GAN: variants seen among roughly 807,000 people sequenced by gnomAD.
The protein encoded by GAN is epididymis secretory sperm binding protein.
A neutral mutation model predicts 71.3 loss-of-function variants in GAN; 48 were observed. That is an observed-to-expected ratio of 0.67 (90% confidence interval 0.53 to 0.86). The LOEUF is 0.86. GAN is among the 40% of genes least tolerant of loss of function. The probability of loss-of-function intolerance (pLI) is 0.00; values close to 1 mark genes in which losing one functional copy is unlikely to be tolerated. For missense variants in GAN, 928 were observed against 770.1 expected, an observed-to-expected ratio of 1.21 and a Z score of -2.43; for synonymous variants, 386 against 276.8, an observed-to-expected ratio of 1.39 and a Z score of -3.92.
chr16:81,323,516 G>T (rs1436612824), intron 1 of GAN, among the ~76,000 whole-genome samples: 1 of 152,086 alleles, frequency 6.6e-6, no homozygotes, highest in Admixed American at 6.6e-5. Context: ...TATGCTGTGG[G>T]GTTGTGTTTA....
intron 1 of GAN, among the ~76,000 whole-genome samples, chr16:81,336,037 C>G (rs1909749068): frequency 6.6e-6 from 1 of 152,182 alleles, no homozygotes; most frequent in Non-Finnish European, 1.5e-5. Context: ...CCAAGACCAT[C>G]CTGTGTCTTG....
At position 81,365,969 on chromosome 16, in the gene GAN, CT is replaced by C. The variant is rs146673393; in HGVS notation, c.1502+494del. Among the ~76,000 whole-genome samples the C allele has an allele frequency of 2.2e-4, 33 of 152,254 alleles. 1 individual carries two copies. In the East Asian group the frequency reaches 4.0e-3, roughly 19 times the overall value. On this transcript the variant is annotated intron_variant, in intron 9 of 10. Coordinates refer to ENST00000648994, the MANE Select transcript of GAN (RefSeq NM_022041.4). ...GCTTTTTCTGCTACTGACCCAGATA[CT>C]TTATACCGAGCCACTTTCCCCTGCA...
chr16:81,343,183 C>T (rs1033351488), intron 1 of GAN, among the ~76,000 whole-genome samples: 12 of 152,170 alleles, frequency 7.9e-5, no homozygotes, highest in Admixed American at 1.3e-4. Flanking sequence ...GATTCACAGC[C>T]GAGTTCTATA....
intron 1 of GAN, among the ~76,000 whole-genome samples, chr16:81,346,519 A>G (rs138977824): frequency 1.3e-5 from 2 of 152,268 alleles, no homozygotes; most frequent in Admixed American, 6.5e-5. Flanking sequence ...CGCGAACCCT[A>G]TTGTGAATTG....
At chr16:81,322,864 A>G (rs1597388403) in intron 1 of GAN, among the ~76,000 whole-genome samples, 2 of 152,350 alleles carry the variant, frequency 1.3e-5, no homozygotes, top group Middle Eastern at 6.8e-3. Flanking sequence ...CTTCATACTG[A>G]AACCTCACAT....
intron 1 of GAN, among the ~76,000 whole-genome samples, chr16:81,346,685 ACTG>A (rs769238881): frequency 2.0e-5 from 3 of 152,174 alleles, no homozygotes; most frequent in Non-Finnish European, 2.9e-5. Flanking sequence ...AAGGTTGGGG[ACTG>A]CTGCTCTAAG....
intron 1 of GAN, among the ~76,000 whole-genome samples, chr16:81,339,732 A>T (rs1175348874): frequency 1.3e-5 from 2 of 152,190 alleles, no homozygotes; most frequent in Admixed American, 6.5e-5. Flanking sequence ...TTGTGGCAGG[A>T]TGGAGTGATC....
chr16:81,316,252 A>G (rs1250828313), intron 1 of GAN, among the ~76,000 whole-genome samples: 1 of 152,214 alleles, frequency 6.6e-6, no homozygotes, highest in African/African-American at 2.4e-5. Flanking sequence ...CTGGTTAAAT[A>G]TAAGCTAGTG....
intron 1 of GAN, among the ~76,000 whole-genome samples, chr16:81,346,947 T>C (rs544227085): frequency 2.6e-4 from 40 of 152,274 alleles, no homozygotes; most frequent in African/African-American, 9.4e-4. Flanking sequence ...ATCAGATCCA[T>C]TTTTCCAAAG....
chr16:81,389,927 A>C lies in GAN; in HGVS notation c.*12331A>C, dbSNP rs768175366. The C allele has an allele frequency of 6.6e-6, 1 of 152,214 alleles. No homozygotes were observed. Among genetic ancestry groups the C allele is most frequent in the Non-Finnish European group, 1.5e-5 (1 of 68,040 alleles). 9.4% of individuals were successfully genotyped at this position (152,214 alleles called of 1,614,324 possible). On this transcript the variant is annotated 3_prime_UTR_variant, in exon 11 of 11. Transcript: ENST00000648994. The stretch of plus-strand genomic sequence containing the variant: ...ATACTATAAGGAAAATGCCACGAAT[A>C]CCATATAAATACCACACCAATCTGT...
rs973083354 is a variant in GAN at position 81,332,589 on chromosome 16, C to T, written c.167+17309C>T. 3.9e-5 allele frequency among the ~76,000 whole-genome samples: 6 copies of T among 152,188 alleles called. No homozygotes were observed. In the East Asian group the frequency reaches 1.2e-3, roughly 29 times the overall value. On this transcript the variant is annotated intron_variant, in intron 1 of 10. Transcript: ENST00000648994. ...GCCACCTCTGTGAAGCCTCCTGTGA[C>T]CACTCTCTCCCAAGAGCTGATTCTG...
rs145955877 is a variant in GAN, at chr16:81,316,804, C to T, written c.167+1524C>T. On this transcript the variant is annotated intron_variant, in intron 1 of 10. Coordinates refer to ENST00000648994, the MANE Select transcript of GAN (RefSeq NM_022041.4). ...CCACTTTGACGTACCCCATATTTTA[C>T]ACATTTACTTTGGTGGTCTTTCCCA... Among the ~76,000 whole-genome samples, 559 of 152,314 alleles carry T rather than the reference C, an allele frequency of 3.7e-3. 4 individuals are homozygous for T. Among genetic ancestry groups the T allele is most frequent in the Middle Eastern group, 0.014 (4 of 294 alleles).
chr16:81,342,162 A>G (rs916512356), intron 1 of GAN, among the ~76,000 whole-genome samples: 3 of 152,230 alleles, frequency 2.0e-5, no homozygotes, highest in Admixed American at 2.0e-4. Flanking sequence ...AAAGAGACTT[A>G]GACTCCCACA....
At chr16:81,327,372 C>T (rs1373950918) in intron 1 of GAN, among the ~76,000 whole-genome samples, 1 of 152,130 alleles carries the variant, frequency 6.6e-6, no homozygotes, top group African/African-American at 2.4e-5. Context: ...GAAGTTCATC[C>T]TGGAGCTGCC....
intron 1 of GAN, among the ~76,000 whole-genome samples, chr16:81,327,746 C>T (rs978820255): frequency 1.3e-5 from 2 of 150,100 alleles, no homozygotes; most frequent in African/African-American, 5.1e-5. Context: ...CAAGAAAGAA[C>T]CAGATAAGCC....
chr16:81,376,068 TA>T (rs1301126634), intron 9 of GAN, among the ~76,000 whole-genome samples: 1 of 151,882 alleles, frequency 6.6e-6, no homozygotes, highest in African/African-American at 2.4e-5. Context: ...GCCATTAAAG[TA>T]GCCAAAATTA....
chr16:81,320,401 A>C (rs1909187223), intron 1 of GAN, among the ~76,000 whole-genome samples: 1 of 152,198 alleles, frequency 6.6e-6, no homozygotes, highest in South Asian at 2.1e-4. Context: ...CTCTTATTAG[A>C]TTCTTTGCTT....
rs1049701549 is a variant in GAN, at chr16:81,351,750, G to T, written c.282+53G>T. On this transcript the variant is annotated intron_variant, in intron 2 of 10. Coordinates refer to ENST00000648994, the MANE Select transcript of GAN (RefSeq NM_022041.4). ...CCTAAGTAGAGGCTTCTCAAGCTCA[G>T]GGTGAGGGTCTCCTTTCATCCATTA... 6 of 832,440 alleles carry T rather than the reference G, an allele frequency of 7.2e-6. No individual in the cohort carries two copies. In the African/African-American group the frequency reaches 1.0e-4, roughly 14 times the overall value. 51.6% of individuals were successfully genotyped at this position (832,440 alleles called of 1,614,324 possible).
Position 81,379,016 on chromosome 16 carries a change from T to A in GAN, c.*1420T>A, listed in dbSNP as rs949445825. On this transcript the variant is annotated 3_prime_UTR_variant, in exon 11 of 11. Coordinates refer to ENST00000648994, the MANE Select transcript of GAN (RefSeq NM_022041.4). ...AATCAATTTAATATACAGTACTTCA[T>A]TTTTAATTGTTTTCTAAAAAAAAGG... The A allele has an allele frequency of 3.3e-5, 5 of 151,974 alleles. No individual in the cohort carries two copies. Among genetic ancestry groups the A allele is most frequent in the Admixed American group, 1.3e-4 (2 of 15,272 alleles). 9.4% of individuals were successfully genotyped at this position (151,974 alleles called of 1,614,324 possible).
Sources: gnomAD v4.1 joint callset for allele counts (sites outside exome capture counted in the v4.1 genomes callset) on GRCh38, gnomAD v4.1.1 for gene constraint, MANE v1.5 for transcripts, NCBI Gene and HGNC (gene_info 2026-07-23, HGNC 2026-07-21) for gene names.